Variants in AP3B1 observed in about 807,000 individuals in gnomAD.
AP3B1 encodes the protein AP-3 complex subunit beta-1.
A neutral mutation model predicts 132.5 loss-of-function variants in AP3B1; 61 were observed. That is an observed-to-expected ratio of 0.46 (90% CI 0.37 to 0.57). The LOEUF (loss-of-function observed/expected upper bound fraction) is 0.57, where lower values mean the gene tolerates loss of function less well. Ranked by LOEUF, AP3B1 falls within the 20% of genes least tolerant of loss-of-function variation. The probability of loss-of-function intolerance (pLI) is 0.00; values close to 1 mark genes in which losing one functional copy is unlikely to be tolerated. For missense variants in AP3B1, 1,120 were observed against 1,289.4 expected (o/e 0.87, Z 2.01); for synonymous variants, 388 against 438.3 (o/e 0.89, Z 1.43).
chr5:78,166,831 T>C (rs1743655869), intron 11 of AP3B1, among the ~76,000 whole-genome samples: 1 of 152,194 alleles, frequency 6.6e-6, no homozygotes, highest in Non-Finnish European at 1.5e-5. Context: ...TCTCTCATCT[T>C]ACACAAAATT....
intron 26 of AP3B1, among the ~76,000 whole-genome samples, chr5:78,003,987 G>A (rs1746290486): frequency 2.0e-5 from 3 of 152,282 alleles, no homozygotes; most frequent in Admixed American, 2.0e-4. Context: ...CTTTTTGGGG[G>A]AGGGGGTTTG....
chr5:78,056,119 T>G (rs1022111852), intron 22 of AP3B1, among the ~76,000 whole-genome samples: 2 of 152,196 alleles, frequency 1.3e-5, no homozygotes, highest in Non-Finnish European at 2.9e-5. Flanking sequence ...TTGGACATGC[T>G]GAAAAGACTA....
intron 17 of AP3B1, among the ~76,000 whole-genome samples, chr5:78,121,246 G>A (rs1752178456): frequency 6.6e-6 from 1 of 151,948 alleles, no homozygotes; most frequent in Non-Finnish European, 1.5e-5. Context: ...AAGCAGGAAA[G>A]ATCCAAAATT....
chr5:78,032,439 C>T (rs115163939), intron 24 of AP3B1, among the ~76,000 whole-genome samples: 384 of 152,220 alleles, frequency 2.5e-3, no homozygotes, highest in African/African-American at 8.7e-3. Context: ...CAGCACATCA[C>T]TAAGCAAAAA....
intron 22 of AP3B1, among the ~76,000 whole-genome samples, chr5:78,040,462 C>T (rs780855264): frequency 6.6e-6 from 1 of 151,970 alleles, no homozygotes; most frequent in Non-Finnish European, 1.5e-5. Flanking sequence ...TTCCTTATTT[C>T]CCCCTCCGAA....
At chr5:78,172,758 T>C (rs1000294769) in intron 11 of AP3B1, among the ~76,000 whole-genome samples, 3 of 151,718 alleles carry the variant, frequency 2.0e-5, no homozygotes, top group Admixed American at 6.6e-5. Context: ...TTCGTTATTA[T>C]TGAAGGGTAT....
chr5:78,214,746 A>G (rs114933618), intron 7 of AP3B1, among the ~76,000 whole-genome samples: 2,141 of 152,282 alleles, frequency 0.014, 57 homozygotes, highest in African/African-American at 0.049. Flanking sequence ...TAATCTAGCA[A>G]AAGTGCCATC....
At chr5:78,233,559 C>T (rs1368027606) in intron 3 of AP3B1, among the ~76,000 whole-genome samples, 1 of 152,110 alleles carries the variant, frequency 6.6e-6, no homozygotes, top group African/African-American at 2.4e-5. Flanking sequence ...TAAAAGTACC[C>T]TTGTCATTCT....
chr5:78,011,600 T>A (rs945489105), intron 26 of AP3B1, among the ~76,000 whole-genome samples: 30 of 152,232 alleles, frequency 2.0e-4, no homozygotes, highest in Admixed American at 1.9e-3. Flanking sequence ...CCTGTGCGCC[T>A]TTAATTGGCT....
chr5:78,197,407 A>G (rs1024795284), intron 7 of AP3B1, among the ~76,000 whole-genome samples: 2 of 152,218 alleles, frequency 1.3e-5, no homozygotes, highest in African/African-American at 2.4e-5. Context: ...TCCATGAAGT[A>G]TATTTTGGAA....
intron 1 of AP3B1, among the ~76,000 whole-genome samples, chr5:78,290,915 A>T (rs1232247307): frequency 1.3e-5 from 2 of 152,202 alleles, no homozygotes; most frequent in East Asian, 3.8e-4. Context: ...ACACCACTGC[A>T]CTCCAGCCTA....
intron 19 of AP3B1, among the ~76,000 whole-genome samples, chr5:78,112,347 T>G (rs1319308656): frequency 6.6e-6 from 1 of 152,174 alleles, no homozygotes; most frequent in Non-Finnish European, 1.5e-5. Flanking sequence ...TATCCCCAAT[T>G]CACTGGTTAA....
At chr5:78,232,688 G>A (rs1206736711) in intron 3 of AP3B1, among the ~76,000 whole-genome samples, 1 of 152,028 alleles carries the variant, frequency 6.6e-6, no homozygotes, top group African/African-American at 2.4e-5. Context: ...CCTCATATAG[G>A]CTTCATTTAT....
At chr5:78,015,175 G>A (rs1183435456) in intron 26 of AP3B1, among the ~76,000 whole-genome samples, 1 of 152,058 alleles carries the variant, frequency 6.6e-6, no homozygotes, top group East Asian at 1.9e-4. Flanking sequence ...ATGTGAATAT[G>A]CTCTGTATAT....
chr5:78,010,851 C>A (rs138416682), intron 26 of AP3B1, among the ~76,000 whole-genome samples: 21 of 150,886 alleles, frequency 1.4e-4, no homozygotes, highest in Non-Finnish European at 2.5e-4. Context: ...TGCATTAAGA[C>A]CTTCACAATG....
chr5:78,136,720 T>G (rs1393792089), intron 15 of AP3B1, among the ~76,000 whole-genome samples: 4 of 146,024 alleles, frequency 2.7e-5, no homozygotes, highest in Non-Finnish European at 6.1e-5. Flanking sequence ...GTACTTCTGG[T>G]TTTTTTTTTT....
chr5:78,271,222 G>A (rs953381449), intron 1 of AP3B1, among the ~76,000 whole-genome samples: 1 of 152,180 alleles, frequency 6.6e-6, no homozygotes, highest in Non-Finnish European at 1.5e-5. Flanking sequence ...GGGAGTTTGA[G>A]ACCAGCCTGA....
intron 11 of AP3B1, among the ~76,000 whole-genome samples, chr5:78,175,366 GTTAT>G (rs1744105231): frequency 6.6e-6 from 1 of 152,144 alleles, no homozygotes; most frequent in South Asian, 2.1e-4. Flanking sequence ...AATCTCCAAA[GTTAT>G]TTATTTAAAT....
At chr5:78,087,325 G>C (rs2112197491) in intron 22 of AP3B1, 1 of 167,064 alleles carries the variant, frequency 6.0e-6, no homozygotes, top group Admixed American at 6.5e-5. Context: ...TCCAAATTCA[G>C]ACACATAATG....
Sources: allele counts gnomAD v4.1 joint callset (sites outside exome capture counted in the v4.1 genomes callset), GRCh38; gene constraint gnomAD v4.1.1; transcripts MANE v1.5; gene names NCBI Gene and HGNC (gene_info 2026-07-23, HGNC 2026-07-21).